The following CADM2 variants were observed in gnomAD, a reference collection of about 807,000 sequenced individuals.
CADM2 encodes immunoglobulin superfamily member 4D.
A neutral mutation model predicts 49.8 loss-of-function variants in CADM2; 12 were observed. That is an observed-to-expected ratio of 0.24 (90% CI 0.15 to 0.39). The LOEUF (loss-of-function observed/expected upper bound fraction) is 0.39. Among genes scored for constraint, CADM2 ranks in the 10% least tolerant of loss-of-function variants. The probability of loss-of-function intolerance (pLI) is 1.00; values close to 1 mark genes in which losing one functional copy is unlikely to be tolerated. For synonymous variants in CADM2, 214 were observed against 175.4 expected (o/e 1.22, Z -1.74); for missense variants, 378 against 492.3 (o/e 0.77, Z 2.20).
At chr3:85,758,211 G>C (rs1191359455) in intron 2 of CADM2, among the ~76,000 whole-genome samples, 1 of 152,102 alleles carries the variant, frequency 6.6e-6, no homozygotes, top group African/African-American at 2.4e-5. Context: ...AGAGCAGCTT[G>C]TAAGAACAGA....
intron 1 of CADM2, among the ~76,000 whole-genome samples, chr3:85,037,008 A>AAC (rs2035244018): frequency 1.3e-5 from 2 of 150,794 alleles, no homozygotes; most frequent in African/African-American, 4.9e-5. Context: ...AAAAAAAAAA[A>AAC]AAAAAAAAAA....
chr3:85,166,916 A>T (rs1399400597), intron 1 of CADM2, among the ~76,000 whole-genome samples: 1 of 152,026 alleles, frequency 6.6e-6, no homozygotes, highest in Non-Finnish European at 1.5e-5. Context: ...AAATACATTT[A>T]TGTATGTGAT....
intron 1 of CADM2, among the ~76,000 whole-genome samples, chr3:85,329,506 G>A (rs2044854014): frequency 6.6e-6 from 1 of 151,918 alleles, no homozygotes; most frequent in Non-Finnish European, 1.5e-5. Flanking sequence ...GGGGGCGGAG[G>A]TTGCAGTGAG....
chr3:85,780,299 C>T (rs2107990250), intron 2 of CADM2, among the ~76,000 whole-genome samples: 1 of 152,256 alleles, frequency 6.6e-6, no homozygotes. Flanking sequence ...AGATGCTTTT[C>T]CTGAAGTGAG....
chr3:84,959,539 C>T lies in CADM2; in HGVS notation c.-69C>T. On this transcript the variant is annotated 5_prime_UTR_variant, in exon 1 of 10. Transcript: ENST00000383699. ...AGGAGGACACCAGCGGAGCCCTGCA[C>T]TCTCGTGCCCCGCTCACCAGCATCT... is the stretch of plus-strand genomic sequence containing the variant. The T allele has an allele frequency of 9.0e-6, 13 of 1,439,392 alleles. No individual in the cohort carries two copies. Among genetic ancestry groups the T allele is most frequent in the Non-Finnish European group, 1.2e-5 (13 of 1,058,888 alleles). The allele number at this position is 1,439,392 out of a possible 1,614,324, so 89.2% of individuals were successfully genotyped here. A position where few individuals can be genotyped will look rare whatever the true frequency, so the allele number is the denominator to read the frequency against.
At chr3:85,624,674 C>G (rs1377663189) in intron 1 of CADM2, among the ~76,000 whole-genome samples, 3 of 152,058 alleles carry the variant, frequency 2.0e-5, no homozygotes, top group Non-Finnish European at 2.9e-5. Context: ...ACAAGCTAGT[C>G]TTTACATTTA....
intron 1 of CADM2, among the ~76,000 whole-genome samples, chr3:85,104,579 T>C (rs1271199520): frequency 1.3e-5 from 2 of 152,174 alleles, no homozygotes; most frequent in African/African-American, 4.8e-5. Context: ...ATATGAACTT[T>C]AAAGTAGTTT....
At chr3:85,969,973 G>GTA (rs78339917) in intron 8 of CADM2, among the ~76,000 whole-genome samples, 43 of 63,914 alleles carry the variant, frequency 6.7e-4, no homozygotes, top group African/African-American at 2.6e-3. Flanking sequence ...GTGTGTGAGT[G>GTA]TATATATATA....
intron 6 of CADM2, among the ~76,000 whole-genome samples, chr3:85,931,152 C>G (rs1490169051): frequency 6.6e-6 from 1 of 151,888 alleles, no homozygotes; most frequent in Non-Finnish European, 1.5e-5. Flanking sequence ...GTGGGAGGAT[C>G]ACGTGAGGCC....
chr3:85,058,744 T>C (rs1576131909), intron 1 of CADM2, among the ~76,000 whole-genome samples: 1 of 152,066 alleles, frequency 6.6e-6, no homozygotes, highest in East Asian at 1.9e-4. Context: ...CGCGCCCAGC[T>C]AAAATGATTT....
chr3:85,052,828 A>G (rs1045677028), intron 1 of CADM2, among the ~76,000 whole-genome samples: 2 of 152,116 alleles, frequency 1.3e-5, no homozygotes, highest in African/African-American at 2.4e-5. Flanking sequence ...TTTATATTAC[A>G]AAAACCATAT....
intron 8 of CADM2, among the ~76,000 whole-genome samples, chr3:86,006,933 C>A (rs1405749402): frequency 6.6e-6 from 1 of 151,878 alleles, no homozygotes; most frequent in East Asian, 1.9e-4. Context: ...CCCAGCTACT[C>A]GGGAGGCTGA....
intron 1 of CADM2, among the ~76,000 whole-genome samples, chr3:85,087,652 T>G (rs527653665): frequency 1.3e-5 from 2 of 152,282 alleles, no homozygotes; most frequent in South Asian, 4.1e-4. Flanking sequence ...TTGTAATATA[T>G]TTTTTGATGA....
chr3:85,123,624 C>G (rs2038935224), intron 1 of CADM2, among the ~76,000 whole-genome samples: 1 of 151,966 alleles, frequency 6.6e-6, no homozygotes, highest in African/African-American at 2.4e-5. Context: ...AAAAATAAAT[C>G]TTATAAAAGA....
At chr3:86,015,455 G>A (rs373465325) in intron 8 of CADM2, among the ~76,000 whole-genome samples, 19 of 152,128 alleles carry the variant, frequency 1.2e-4, no homozygotes, top group African/African-American at 4.6e-4. Context: ...ATTCTTTGAA[G>A]AAGTATGTTT....
At chr3:85,079,749 G>A (rs1198334375) in intron 1 of CADM2, among the ~76,000 whole-genome samples, 2 of 151,758 alleles carry the variant, frequency 1.3e-5, no homozygotes, top group African/African-American at 4.8e-5. Context: ...AAGAATAATA[G>A]TAAGACCACA....
intron 1 of CADM2, among the ~76,000 whole-genome samples, chr3:84,990,303 T>TA (rs1161823569): frequency 1.3e-5 from 2 of 151,590 alleles, no homozygotes; most frequent in Non-Finnish European, 3.0e-5. Context: ...GATTTATATA[T>TA]TTTTTTAATT....
chr3:85,384,221 TAG>T (rs10538607), intron 1 of CADM2, among the ~76,000 whole-genome samples: 13,552 of 152,196 alleles, frequency 0.089, 1,958 homozygotes, highest in African/African-American at 0.31. Context: ...GCTGATTATG[TAG>T]AGAGTATCCA....
intron 1 of CADM2, among the ~76,000 whole-genome samples, chr3:85,236,226 G>A (rs565818765): frequency 1.8e-4 from 28 of 151,776 alleles, no homozygotes; most frequent in African/African-American, 6.0e-4. Context: ...CCTTCCCTCA[G>A]GTGTTCATAT....
Sources: allele counts gnomAD v4.1 joint callset (sites outside exome capture counted in the v4.1 genomes callset), GRCh38; gene constraint gnomAD v4.1.1; transcripts MANE v1.5; gene names NCBI Gene and HGNC (gene_info 2026-07-23, HGNC 2026-07-21).